Variants in ARFGEF1 observed in about 807,000 individuals in gnomAD.
ARFGEF1 encodes the protein brefeldin A-inhibited guanine nucleotide-exchange protein 1.
Under a neutral mutation model 231.0 loss-of-function variants are expected in ARFGEF1, and 42 were observed. That is an observed-to-expected ratio of 0.18 (90% CI 0.14 to 0.24). The LOEUF (loss-of-function observed/expected upper bound fraction) is 0.24. Ranked by LOEUF, ARFGEF1 falls within the 10% of genes least tolerant of loss-of-function variation. ARFGEF1 has a pLI of 1.00. For missense variants in ARFGEF1, 1,345 were observed against 2,192.0 expected (o/e 0.61, Z 7.72); for synonymous variants, 710 against 732.3 (o/e 0.97, Z 0.49).
At position 67,190,764 on chromosome 8, in the gene ARFGEF1, G is replaced by A; in HGVS notation, c.560+9632C>T. The A allele has an allele frequency of 6.3e-7, 1 of 1,588,028 alleles. No individual in the cohort carries two copies. On this transcript the variant is annotated intron_variant, in intron 5 of 5. Transcript: ENST00000518789. ...AAATGGAAAGGACTAGACATTGTAT[G>A]TATGAGACTTTTCTCCCCCTTTTCA...
At chr8:67,341,425 CAAAAAAA>C (rs1186065653) in intron 1 of ARFGEF1, among the ~76,000 whole-genome samples, 28 of 87,910 alleles carry the variant, frequency 3.2e-4, no homozygotes, top group Admixed American at 2.2e-3. Flanking sequence ...CCATCTCCAC[CAAAAAAA>C]AAAAAAAAAA....
At chr8:67,282,159 A>C (rs1022116206) in intron 7 of ARFGEF1, among the ~76,000 whole-genome samples, 1 of 152,126 alleles carries the variant, frequency 6.6e-6, no homozygotes, top group African/African-American at 2.4e-5. Context: ...TTGAAGAGGG[A>C]GGCCTTGCAC....
chr8:67,217,211 G>A (rs1240918947), intron 32 of ARFGEF1, among the ~76,000 whole-genome samples: 2 of 151,450 alleles, frequency 1.3e-5, no homozygotes, highest in African/African-American at 2.4e-5. Flanking sequence ...GGCTAAGGCA[G>A]GATAATCACT....
intron 7 of ARFGEF1, among the ~76,000 whole-genome samples, chr8:67,284,297 T>TA (rs1563888282): frequency 1.3e-5 from 2 of 152,092 alleles, no homozygotes; most frequent in Non-Finnish European, 2.9e-5. Flanking sequence ...ATCTCTTATG[T>TA]ACAAGCAGAC....
At chr8:67,286,780 G>A (rs1374586606) in intron 7 of ARFGEF1, among the ~76,000 whole-genome samples, 2 of 151,910 alleles carry the variant, frequency 1.3e-5, no homozygotes, top group African/African-American at 2.4e-5. Flanking sequence ...GTAATCTCAT[G>A]GCTTCACTAT....
intron 17 of ARFGEF1, among the ~76,000 whole-genome samples, chr8:67,255,721 T>C (rs1840433220): frequency 6.6e-6 from 1 of 152,244 alleles, no homozygotes; most frequent in Non-Finnish European, 1.5e-5. Flanking sequence ...GCAGGCTGCA[T>C]AGCAGCACAT....
intron 17 of ARFGEF1, among the ~76,000 whole-genome samples, chr8:67,256,164 G>A (rs1840446988): frequency 6.6e-6 from 1 of 152,092 alleles, no homozygotes; most frequent in South Asian, 2.1e-4. Context: ...AATCCCAACT[G>A]TGAACTACCT....
chr8:67,340,957 G>A (rs959732258), intron 1 of ARFGEF1, among the ~76,000 whole-genome samples: 2 of 152,158 alleles, frequency 1.3e-5, no homozygotes, highest in African/African-American at 4.8e-5. Flanking sequence ...CTCATGAGTG[G>A]TAGGGAATAC....
Position 67,225,014 on chromosome 8 carries a change from C to T in ARFGEF1, c.4097G>A (p.Ser1366Asn), listed in dbSNP as rs764116931. 14 of 1,598,296 alleles carry T rather than the reference C, an allele frequency of 8.8e-6. No individual in the cohort carries two copies. The Admixed American group carries it at 2.5e-4, about 28-fold the overall frequency. The change falls in exon 29 of 39, where the codon AGC (serine) becomes AAC (asparagine). Residue 1366 changes from serine (S) to asparagine (N), a missense_variant. This residue lies in a region of ARFGEF1 where 142 missense variants were observed against 227.3 expected (regional missense o/e 0.62). Coordinates refer to ENST00000262215, the MANE Select transcript of ARFGEF1 (RefSeq NM_006421.5). ...TTCAGGTGCTACGTTCATATCATCGCTTGTGTATTCCTTGAAAGCCTTCAA... is the reference window on the plus strand; with the variant it reads ...TTCAGGTGCTACGTTCATATCATCGTTTGTGTATTCCTTGAAAGCCTTCAA... ...DRPQAFKEYT[S>N]DDMNVAPEDR...
At chr8:67,223,134 G>A (rs1839258121) in intron 29 of ARFGEF1, among the ~76,000 whole-genome samples, 1 of 152,188 alleles carries the variant, frequency 6.6e-6, no homozygotes, top group Non-Finnish European at 1.5e-5. Context: ...CAAATCTAGA[G>A]AATTTTGGAA....
intron 5 of ARFGEF1, chr8:67,179,808 G>A: frequency 4.1e-6 from 5 of 1,219,070 alleles, no homozygotes; most frequent in Non-Finnish European, 4.8e-6. Flanking sequence ...GTATAAATTT[G>A]TTGTTTTTGT....
Position 67,177,708 on chromosome 8 carries a change from A to G in ARFGEF1, c.561-2136T>C, listed in dbSNP as rs76567936. The G allele has an allele frequency of 2.7e-3, 4,371 of 1,612,298 alleles. 105 individuals are homozygous for G. The African/African-American group carries it at 0.053, about 20-fold the overall frequency. Reference sequence around the variant, plus strand: ...ACTTAGATGCCATCCCAAGTGCTAAAGTACGAGAGCAAAGAATGGTAAGCA... The same window carrying G: ...ACTTAGATGCCATCCCAAGTGCTAAGGTACGAGAGCAAAGAATGGTAAGCA... On this transcript the variant is annotated intron_variant, in intron 5 of 5. Coordinates refer to the ARFGEF1 transcript ENST00000518789.
intron 17 of ARFGEF1, among the ~76,000 whole-genome samples, chr8:67,255,626 C>T (rs1840430343): frequency 6.6e-6 from 1 of 152,182 alleles, no homozygotes; most frequent in African/African-American, 2.4e-5. Flanking sequence ...TTATAGTTAT[C>T]TAAATCAACT....
intron 5 of ARFGEF1, chr8:67,190,830 A>T: frequency 9.1e-7 from 1 of 1,102,362 alleles, no homozygotes; most frequent in Non-Finnish European, 1.4e-6. Flanking sequence ...CCTGTGCTAA[A>T]TCTGTGTGGC....
At chr8:67,341,957 C>G (rs1311045919) in intron 1 of ARFGEF1, among the ~76,000 whole-genome samples, 1 of 151,754 alleles carries the variant, frequency 6.6e-6, no homozygotes, top group South Asian at 2.1e-4. Flanking sequence ...TTTTAACGAT[C>G]TAGGAAAAAA....
At chr8:67,249,178 A>G (rs1364483050) in intron 19 of ARFGEF1, among the ~76,000 whole-genome samples, 1 of 150,356 alleles carries the variant, frequency 6.7e-6, no homozygotes, top group Non-Finnish European at 1.5e-5. Context: ...CCCAACTTAC[A>G]ATGGTTCAAC....
chr8:67,185,890 A>G (rs981339727), intron 5 of ARFGEF1, among the ~76,000 whole-genome samples: 11 of 152,340 alleles, frequency 7.2e-5, no homozygotes, highest in African/African-American at 2.6e-4. Context: ...CAAAAGGACA[A>G]GAATCCTTCA....
At chr8:67,201,656 A>C (rs757186244) in intron 36 of ARFGEF1, 51 bp from the exon 37 acceptor site, 1 of 1,608,070 alleles carries the variant, frequency 6.2e-7, no homozygotes, top group Non-Finnish European at 8.5e-7. Flanking sequence ...ATCTTATGTA[A>C]AGGTGAAACA....
Position 67,226,203 on chromosome 8 carries a change from ATATTAC to A in ARFGEF1, c.3917-26_3917-21del. The A allele has an allele frequency of 6.6e-7, 1 of 1,514,944 alleles. No individual in the cohort carries two copies. Among genetic ancestry groups the A allele is most frequent in the Middle Eastern group, 1.8e-4 (1 of 5,610 alleles). 93.8% of individuals were successfully genotyped at this position (1,514,944 alleles called of 1,614,324 possible). A position where few individuals can be genotyped will look rare whatever the true frequency, so the allele number is the denominator to read the frequency against. On this transcript the variant is annotated intron_variant, in intron 27 of 38. Transcript: ENST00000262215. ...CAAGGGCTAAAATAGAGAAAAATAT[ATATTAC>A]TATAATTTTTCAATTATTCTTAGCT...
Sources: allele counts gnomAD v4.1 joint callset (sites outside exome capture counted in the v4.1 genomes callset), GRCh38; gene constraint gnomAD v4.1.1; regional missense constraint gnomAD v4.1.1; transcripts MANE v1.5; gene names NCBI Gene and HGNC (gene_info 2026-07-23, HGNC 2026-07-21).